Variants in NTRK1 observed in about 807,000 individuals in gnomAD.
NTRK1 encodes neurotrophic receptor tyrosine kinase 1.
NTRK1 carries 62 observed loss-of-function variants against 86.8 expected under a neutral mutation model. The observed-to-expected ratio is 0.71, with a 90% confidence interval of 0.58 to 0.88. NTRK1 has a LOEUF of 0.88. Among genes scored for constraint, NTRK1 ranks in the 40% least tolerant of loss-of-function variants. The pLI is 0.00. For missense variants in NTRK1, 967 were observed against 1,078.4 expected (o/e 0.90, Z 1.45); for synonymous variants, 469 against 456.6 (o/e 1.03, Z -0.35).
chr1:156,849,497 T>TGG, intron 2 of NTRK1: 1 of 243,942 alleles, frequency 4.1e-6, no homozygotes, highest in Non-Finnish European at 7.8e-6. Flanking sequence ...TGCGGGGAGG[T>TGG]GGGGGCAGGG....
At position 156,823,713 on chromosome 1, in the gene NTRK1, C is replaced by T. The variant is rs189599887; in HGVS notation, c.-64+7875C>T. ...ATCAATGTGTTGCAAGCAAGTTTGGCGCTTGGCTGTAGCTCTGCACCTCAG... is the reference window on the plus strand; with the variant it reads ...ATCAATGTGTTGCAAGCAAGTTTGGTGCTTGGCTGTAGCTCTGCACCTCAG... On this transcript the variant is annotated intron_variant, in intron 1 of 16. Coordinates refer to the NTRK1 transcript ENST00000392302. Among the ~76,000 whole-genome samples the T allele has an allele frequency of 1.5e-4, 23 of 152,274 alleles. No homozygotes were observed. The East Asian group carries it at 3.5e-3, about 23-fold the overall frequency.
chr1:156,881,624 C>G lies in NTRK1; in HGVS notation c.2373C>G (p.Tyr791Ter), dbSNP rs762539614. The part of the protein sequence containing the change: ...LQALAQAPPV[Y>*]LDVLG ...CCCTGGCCCAGGCACCTCCTGTCTA[C>G]CTGGATGTCCTGGGCTAGGGGGCCG... is the stretch of plus-strand genomic sequence containing the variant. Residue 791 changes from tyrosine (Y) to a stop codon, truncating the protein, a stop_gained, in exon 17 of 17, where the codon TAC becomes TAG. Transcript: ENST00000524377. LOFTEE classifies it high-confidence loss of function. 6.2e-7 allele frequency: 1 copy of G among 1,607,736 alleles called. No individual in the cohort carries two copies. Among genetic ancestry groups the G allele is most frequent in the Non-Finnish European group, 8.5e-7 (1 of 1,177,724 alleles).
intron 2 of NTRK1, chr1:156,849,238 G>A: frequency 6.2e-7 from 1 of 1,613,224 alleles, no homozygotes; most frequent in Non-Finnish European, 8.5e-7. Flanking sequence ...CTGGGGTTGG[G>A]GTCTCACAGG....
At chr1:156,841,866 A>G in intron 1 of NTRK1, 1 of 1,610,614 alleles carries the variant, frequency 6.2e-7, no homozygotes, top group Non-Finnish European at 8.5e-7. Flanking sequence ...CCCCTGGGAT[A>G]CCTCTCCCAA....
At chr1:156,858,503 G>T, upstream of NTRK1, 1 of 1,563,388 alleles carries the variant, frequency 6.4e-7, no homozygotes, top group Non-Finnish European at 8.8e-7. Context: ...CTGGGAGGGA[G>T]GTAGGGGTCT....
At chr1:156,845,859 CG>C in intron 2 of NTRK1, 1 of 1,601,246 alleles carries the variant, frequency 6.2e-7, no homozygotes, top group East Asian at 2.3e-5. Context: ...GCGGTCTACC[CG>C]CCTCTGATCC....
chr1:156,875,489 AC>A, intron 11 of NTRK1, 30 bp from the exon 12 acceptor site: 1 of 1,612,638 alleles, frequency 6.2e-7, no homozygotes, highest in Non-Finnish European at 8.5e-7. Flanking sequence ...GTGTGGGCAA[AC>A]CCCTCCATGC....
chr1:156,849,513 G>GGGGGGGGGGGGGGGGGGGGGGGC, intron 2 of NTRK1: 2 of 486,120 alleles, frequency 4.1e-6, no homozygotes, highest in East Asian at 5.4e-5. Flanking sequence ...CAGGGGGTGG[G>GGGGGGGGGGGGGGGGGGGGGGGC]AAAGGGGATG....
chr1:156,825,773 G>A (rs1351407506), intron 1 of NTRK1, among the ~76,000 whole-genome samples: 1 of 152,204 alleles, frequency 6.6e-6, no homozygotes, highest in African/African-American at 2.4e-5. Context: ...TTTGGAACTT[G>A]TAGGCCATGG....
At chr1:156,843,388 C>T (rs547165218) in intron 2 of NTRK1, 3 of 1,607,316 alleles carry the variant, frequency 1.9e-6, no homozygotes, top group Admixed American at 1.7e-5. Context: ...CTCCTGTCTC[C>T]CTTTCCCACA....
intron 1 of NTRK1, among the ~76,000 whole-genome samples, chr1:156,832,885 C>G (rs573641455): frequency 4.6e-5 from 7 of 152,374 alleles, no homozygotes; most frequent in African/African-American, 9.6e-5. Context: ...TCCCAGCAGA[C>G]AGCATGCCCC....
chr1:156,818,592 GAGTTACTCCACTTAGAATA>G (rs1654092221), intron 1 of NTRK1, among the ~76,000 whole-genome samples: 1 of 152,084 alleles, frequency 6.6e-6, no homozygotes, highest in Admixed American at 6.6e-5. Flanking sequence ...TTCCATTCCT[GAGTTACTCCACTTAGAATA>G]ATGGCCTCCA....
intron 2 of NTRK1, chr1:156,844,878 G>C (rs1476506430): frequency 1.9e-6 from 3 of 1,612,452 alleles, no homozygotes; most frequent in South Asian, 1.1e-5. Flanking sequence ...CGGGCCAAAA[G>C]TGGTTCATCT....
chr1:156,838,158 C>A (rs560084823), intron 1 of NTRK1, among the ~76,000 whole-genome samples: 1 of 152,142 alleles, frequency 6.6e-6, no homozygotes, highest in East Asian at 1.9e-4. Flanking sequence ...GGCCTCTGGG[C>A]CTCTCTCCCC....
chr1:156,867,000 G>A lies in NTRK1; in HGVS notation c.428+22G>A. The A allele has an allele frequency of 2.5e-6, 4 of 1,612,974 alleles. No individual in the cohort carries two copies. In the South Asian group the frequency reaches 3.3e-5, roughly 13 times the overall value. On this transcript the variant is annotated intron_variant, in intron 4 of 16. Transcript: ENST00000524377. ...AACTGTGAGTGGGGGCGCTTCCAGG[G>A]GCAAGAGCACCAAGTGTGTGTGTGC...
At chr1:156,874,090 T>C (rs2102907273) in intron 8 of NTRK1, 131 bp downstream of exon 8, 1 of 1,002,924 alleles carries the variant, frequency 1.0e-6, no homozygotes, top group Non-Finnish European at 1.5e-6. Context: ...GGAGTCCTGG[T>C]GTCCCGCTGT....
chr1:156,854,436 G>T lies in NTRK1; in HGVS notation c.51-9918G>T. The T allele has an allele frequency of 1.0e-6, 1 of 988,172 alleles. No individual in the cohort carries two copies. Among genetic ancestry groups the T allele is most frequent in the Non-Finnish European group, 1.5e-6 (1 of 688,166 alleles). 61.2% of individuals were successfully genotyped at this position (988,172 alleles called of 1,614,324 possible). ...GGAGCCGGGCTCTGCTCTGGGTGTG[G>T]GGTGGCCTCCTTCCTGGGCCCCGGA... On this transcript the variant is annotated intron_variant, in intron 2 of 16. Transcript: ENST00000392302. The surrounding 1 kb of genome is among the most constrained non-coding windows in gnomAD (Gnocchi z 4.2).
At chr1:156,876,627 T>A in intron 14 of NTRK1, 55 bp downstream of exon 14, 2 of 1,562,650 alleles carry the variant, frequency 1.3e-6, no homozygotes, top group East Asian at 4.7e-5. Flanking sequence ...GGCCCCGTCT[T>A]CCCTTCCCTA....
Position 156,860,997 on chromosome 1 carries a change from C to A in NTRK1, c.63C>A (p.Ser21Arg). 6.5e-7 allele frequency: 1 copy of A among 1,531,214 alleles called. No homozygotes were observed. Among genetic ancestry groups the A allele is most frequent in the African/African-American group, 1.4e-5 (1 of 72,020 alleles). 94.9% of individuals were successfully genotyped at this position (1,531,214 alleles called of 1,614,324 possible). A position where few individuals can be genotyped will look rare whatever the true frequency, so the allele number is the denominator to read the frequency against. The change falls in exon 1 of 17, where the codon AGC (serine) becomes AGA (arginine). Residue 21 changes from serine (S) to arginine (R), a missense_variant. Ser to Arg is a moderately radical substitution (Grantham distance 110, BLOSUM62 -1). Transcript: ENST00000524377. ...GWHSWAAGPG[S>R]LLAWLILASA... is the part of the protein sequence containing the mutation. ...ACAGCTGGGCTGCGGGGCCGGGCAG[C>A]CTGCTGGCTTGGCTGATACTGGCAT...
Sources: gnomAD v4.1 joint callset for allele counts (sites outside exome capture counted in the v4.1 genomes callset) on GRCh38, gnomAD v4.1.1 for gene constraint, Gnocchi (gnomAD v3.1) non-coding constraint, MANE v1.5 for transcripts, NCBI Gene and HGNC (gene_info 2026-07-23, HGNC 2026-07-21) for gene names.